The following CCNT1 variants were observed in gnomAD, a reference collection of about 807,000 sequenced individuals.
CCNT1 encodes the protein cyclin T1, also known as cyclin-T1.
A neutral mutation model predicts 67.3 loss-of-function variants in CCNT1; 18 were observed. The ratio of observed to expected loss-of-function variants is 0.27; its 90% confidence interval spans 0.18 to 0.40. CCNT1 has a LOEUF of 0.40. Ranked by LOEUF, CCNT1 falls within the 10% of genes least tolerant of loss-of-function variation. CCNT1 has a pLI of 1.00. For missense variants in CCNT1, 744 were observed against 884.9 expected (o/e 0.84, Z 2.02); for synonymous variants, 333 against 310.3 (o/e 1.07, Z -0.77).
rs566301791 is a variant in CCNT1 at position 48,690,626 on chromosome 12, G to C, written c.*2407C>G. ...AAGGTCTCTAAACTGACCTATGTCA[G>C]CAATGATCTACTAGTGCAAAGGCCG... On this transcript the variant is annotated 3_prime_UTR_variant, in exon 9 of 9. Coordinates refer to ENST00000261900, the MANE Select transcript of CCNT1 (RefSeq NM_001240.4). 6 of 152,278 alleles carry C rather than the reference G, an allele frequency of 3.9e-5. No homozygotes were observed. Among genetic ancestry groups the C allele is most frequent in the African/African-American group, 1.4e-4 (6 of 41,538 alleles). 9.4% of individuals were successfully genotyped at this position (152,278 alleles called of 1,614,324 possible). A position where few individuals can be genotyped will look rare whatever the true frequency, so the allele number is the denominator to read the frequency against.
At position 48,701,029 on chromosome 12, in the gene CCNT1, T is replaced by C. The variant is rs1207102312; in HGVS notation, c.417A>G (p.Ile139Met). ...TAAACTTACCTAAAGTCTGCAAAAT[T>C]ATGCTTTCTAAAATGACCAGATCTT... ...QVQDLVILES[I>M]ILQTLGFELT... The change falls in exon 4 of 9, where the codon ATA becomes ATG. Residue 139 changes from isoleucine to methionine, a missense_variant. Physicochemically the swap from Ile to Met is conservative, Grantham distance 10. This residue lies in a region of CCNT1 where 142 missense variants were observed against 277.0 expected (regional missense o/e 0.51). Coordinates refer to ENST00000261900, the MANE Select transcript of CCNT1 (RefSeq NM_001240.4). 6.3e-7 allele frequency: 1 copy of C among 1,580,418 alleles called. No homozygotes were observed. Among genetic ancestry groups the C allele is most frequent in the Non-Finnish European group, 8.6e-7 (1 of 1,159,490 alleles).
intron 1 of CCNT1, among the ~76,000 whole-genome samples, chr12:48,715,180 G>C (rs896971394): frequency 1.3e-5 from 2 of 152,128 alleles, no homozygotes; most frequent in Non-Finnish European, 2.9e-5. Context: ...ATAGAATTTC[G>C]AACAAAAAGA....
chr12:48,708,747 T>G (rs1816684252), intron 2 of CCNT1, among the ~76,000 whole-genome samples: 1 of 152,200 alleles, frequency 6.6e-6, no homozygotes, highest in Non-Finnish European at 1.5e-5. Context: ...TCTTCCAATT[T>G]TTTGATAATT....
rs1940063330 is a variant in CCNT1 at position 48,690,994 on chromosome 12, A to C, written c.*2039T>G. 1 of 152,206 alleles carries C rather than the reference A, an allele frequency of 6.6e-6. No individual in the cohort carries two copies. Among genetic ancestry groups the C allele is most frequent in the Non-Finnish European group, 1.5e-5 (1 of 68,026 alleles). 9.4% of individuals were successfully genotyped at this position (152,206 alleles called of 1,614,324 possible). On this transcript the variant is annotated 3_prime_UTR_variant, in exon 9 of 9. Coordinates refer to ENST00000261900, the MANE Select transcript of CCNT1 (RefSeq NM_001240.4). ...GCCCTAAATGTACTAAACCACAACT[A>C]TATATCTACCAATTATCTAACACAA...
rs1212398207 is a variant in CCNT1 at position 48,705,758 on chromosome 12, A to T, written c.372+10T>A. 6.2e-7 allele frequency: 1 copy of T among 1,600,018 alleles called. No homozygotes were observed. Among genetic ancestry groups the T allele is most frequent in the Non-Finnish European group, 8.5e-7 (1 of 1,174,896 alleles). On this transcript the variant is annotated intron_variant, in intron 3 of 8. Transcript: ENST00000261900. ...AATTAAGAAAAACAGATGTGTAATT[A>T]ATCTCCTACCTCACTTCTAGTATCA... is the stretch of plus-strand genomic sequence containing the variant.
intron 3 of CCNT1, among the ~76,000 whole-genome samples, chr12:48,705,410 G>T (rs1940340414): frequency 1.3e-5 from 2 of 151,886 alleles, no homozygotes; most frequent in Non-Finnish European, 2.9e-5. Context: ...GGGATTACAG[G>T]CATGAGCCAC....
At chr12:48,706,316 AAT>A in intron 2 of CCNT1, among the ~76,000 whole-genome samples, 1 of 152,314 alleles carries the variant, frequency 6.6e-6, no homozygotes, top group Non-Finnish European at 1.5e-5. Flanking sequence ...AATAACTGCT[AAT>A]AGGTGAGGAG....
intron 2 of CCNT1, among the ~76,000 whole-genome samples, chr12:48,712,789 A>G (rs907617630): frequency 6.6e-6 from 1 of 151,646 alleles, no homozygotes; most frequent in Non-Finnish European, 1.5e-5. Flanking sequence ...AAAATACAAA[A>G]ATTAGCCAGG....
chr12:48,694,882 T>C (rs1369128165), intron 8 of CCNT1, among the ~76,000 whole-genome samples: 1 of 152,180 alleles, frequency 6.6e-6, no homozygotes, highest in Non-Finnish European at 1.5e-5. Context: ...TGGAGTGCAG[T>C]GGCACAATCT....
At chr12:48,711,736 A>G (rs117197719) in intron 2 of CCNT1, among the ~76,000 whole-genome samples, 2,292 of 152,302 alleles carry the variant, frequency 0.015, 23 homozygotes, top group Middle Eastern at 0.041. Flanking sequence ...GGGCATGACT[A>G]GAGGTACAGG....
At chr12:48,699,375 A>G (rs888931682) in intron 5 of CCNT1, among the ~76,000 whole-genome samples, 1 of 152,206 alleles carries the variant, frequency 6.6e-6, no homozygotes, top group Non-Finnish European at 1.5e-5. Flanking sequence ...AATATTGTTA[A>G]ATTAGAATTA....
intron 2 of CCNT1, among the ~76,000 whole-genome samples, chr12:48,710,057 G>A (rs1413657464): frequency 6.6e-6 from 1 of 151,856 alleles, no homozygotes; most frequent in Admixed American, 6.6e-5. Flanking sequence ...ATGCCCGGCT[G>A]ATTTTTGTGT....
intron 2 of CCNT1, among the ~76,000 whole-genome samples, chr12:48,710,235 A>C (rs532041929): frequency 6.6e-6 from 1 of 152,212 alleles, no homozygotes; most frequent in South Asian, 2.1e-4. Flanking sequence ...CACATACAAA[A>C]ATGCCTGAGG....
At position 48,693,421 on chromosome 12, in the gene CCNT1, G is replaced by A; in HGVS notation, c.1793C>T (p.Ser598Phe). The A allele has an allele frequency of 6.2e-7, 1 of 1,614,248 alleles. No homozygotes were observed. The highest frequency in any genetic ancestry group is 8.5e-7 in the Non-Finnish European group (1 of 1,180,052). The change falls in exon 9 of 9, where the codon TCT becomes TTT. Residue 598 changes from serine (S) to phenylalanine (F), a missense_variant. This residue lies in a region of CCNT1 where 564 missense variants were observed against 574.2 expected (regional missense o/e 0.98). Coordinates refer to ENST00000261900, the MANE Select transcript of CCNT1 (RefSeq NM_001240.4). ...PAKIAKSTKSSSLNFSFPSLP... is the reference protein window; with the variant it reads ...PAKIAKSTKSFSLNFSFPSLP... ...TGAAGGGAAGGAGAAATTTAGGGAA[G>A]AGGATTTAGTACTCTTGGCAATCTT... is the stretch of plus-strand genomic sequence containing the variant.
rs1434524438 is a variant in CCNT1, at chr12:48,716,596, A to C, written c.80T>G (p.Phe27Cys). Residue 27 changes from phenylalanine to cysteine, a missense_variant, in exon 1 of 9, where the codon TTT becomes TGT. Coordinates refer to ENST00000261900, the MANE Select transcript of CCNT1 (RefSeq NM_001240.4). ...EQLENSPSRR[F>C]GVDPDKELSY... ...AAGTTCTTTATCTGGGTCCACGCCA[A>C]AACGACGGGATGGGCTATTTTCCAG... is the stretch of plus-strand genomic sequence containing the variant. 12 of 1,614,268 alleles carry C rather than the reference A, an allele frequency of 7.4e-6. No homozygotes were observed. Among genetic ancestry groups the C allele is most frequent in the Admixed American group, 1.7e-5 (1 of 60,028 alleles).
At chr12:48,708,603 AAC>A (rs1228624362) in intron 2 of CCNT1, among the ~76,000 whole-genome samples, 2 of 152,154 alleles carry the variant, frequency 1.3e-5, no homozygotes, top group African/African-American at 4.8e-5. Context: ...GGAAAAAAGA[AAC>A]ACAGGCATCA....
chr12:48,701,374 C>T (rs1407407508), intron 3 of CCNT1, among the ~76,000 whole-genome samples: 1 of 151,568 alleles, frequency 6.6e-6, no homozygotes, highest in Non-Finnish European at 1.5e-5. Flanking sequence ...TCCAGGCGCG[C>T]AACACCACGC....
At chr12:48,709,370 G>A (rs1169671095) in intron 2 of CCNT1, among the ~76,000 whole-genome samples, 1 of 152,062 alleles carries the variant, frequency 6.6e-6, no homozygotes, top group Non-Finnish European at 1.5e-5. Flanking sequence ...CTTTCAGTAG[G>A]GCAAACTGAC....
At chr12:48,705,175 G>GTA (rs574869025) in intron 3 of CCNT1, among the ~76,000 whole-genome samples, 1 of 152,156 alleles carries the variant, frequency 6.6e-6, no homozygotes, top group Non-Finnish European at 1.5e-5. Flanking sequence ...GCAGTGGTGT[G>GTA]ATCATGGCTC....
Sources: gnomAD v4.1 joint callset for allele counts (sites outside exome capture counted in the v4.1 genomes callset) on GRCh38, gnomAD v4.1.1 for gene constraint, gnomAD v4.1.1 regional missense constraint, MANE v1.5 for transcripts, NCBI Gene and HGNC (gene_info 2026-07-23, HGNC 2026-07-21) for gene names.